The following PIK3C2G variants were observed in gnomAD, a reference collection of about 807,000 sequenced individuals.
PIK3C2G encodes the protein phosphatidylinositol-4-phosphate 3-kinase catalytic subunit type 2 gamma.
PIK3C2G carries 168 observed loss-of-function variants against 181.1 expected under a neutral mutation model. The observed-to-expected ratio is 0.93, with a 90% CI of 0.82 to 1.05. The LOEUF is 1.05. Among genes scored for constraint, PIK3C2G ranks in the 50% least tolerant of loss-of-function variants. The probability of loss-of-function intolerance (pLI) is 0.00; values close to 1 mark genes in which losing one functional copy is unlikely to be tolerated. For missense variants in PIK3C2G, 1,869 were observed against 1,732.8 expected, an observed-to-expected ratio of 1.08 and a Z score of -1.40; for synonymous variants, 573 against 592.2, an observed-to-expected ratio of 0.97 and a Z score of 0.47.
At chr12:18,527,745 A>G (rs1429757402) in intron 24 of PIK3C2G, among the ~76,000 whole-genome samples, 2 of 152,154 alleles carry the variant, frequency 1.3e-5, no homozygotes, top group Non-Finnish European at 2.9e-5. Context: ...ATTCTGATCT[A>G]CTATGAATTC....
intron 5 of PIK3C2G, among the ~76,000 whole-genome samples, chr12:18,311,231 C>G (rs954836093): frequency 1.3e-5 from 2 of 151,798 alleles, no homozygotes; most frequent in Non-Finnish European, 2.9e-5. Flanking sequence ...CGAGGACATA[C>G]ACAATGAAGC....
chr12:18,555,577 T>TAC, intron 26 of PIK3C2G, among the ~76,000 whole-genome samples: 1 of 152,258 alleles, frequency 6.6e-6, no homozygotes, highest in East Asian at 1.9e-4. Flanking sequence ...ATACAATGTA[T>TAC]ACACATTTTT....
intron 21 of PIK3C2G, among the ~76,000 whole-genome samples, chr12:18,497,176 C>A (rs563277137): frequency 7.2e-5 from 11 of 151,996 alleles, no homozygotes; most frequent in Non-Finnish European, 1.5e-4. Flanking sequence ...ATTTATACTC[C>A]CAGTCAAGAA....
Position 18,563,171 on chromosome 12 carries a change from G to A in PIK3C2G, c.3781-206G>A, listed in dbSNP as rs569653649. On this transcript the variant is annotated intron_variant, in intron 27 of 32. Coordinates refer to ENST00000538779, the MANE Select transcript of PIK3C2G (RefSeq NM_001288772.2). ...TGTCCACAAGAACAGCAAAAATTAG[G>A]CAATCTGTTCCTAGCACATACAATT... Among the ~76,000 whole-genome samples, 12 of 152,110 alleles carry A rather than the reference G, an allele frequency of 7.9e-5. No individual in the cohort carries two copies. In the South Asian group the frequency reaches 2.1e-3, roughly 26 times the overall value.
intron 18 of PIK3C2G, among the ~76,000 whole-genome samples, chr12:18,441,199 C>A (rs1170375177): frequency 6.6e-6 from 1 of 152,068 alleles, no homozygotes; most frequent in Non-Finnish European, 1.5e-5. Flanking sequence ...AAATTGAGAT[C>A]TGATTAGCAC....
At chr12:18,404,636 G>A (rs1171319343) in intron 16 of PIK3C2G, among the ~76,000 whole-genome samples, 1 of 152,170 alleles carries the variant, frequency 6.6e-6, no homozygotes, top group Non-Finnish European at 1.5e-5. Context: ...ACTAGTGTGT[G>A]CATGGTTATA....
In PIK3C2G at chr12:18,321,038, A is replaced by G. The variant is rs757767983; in HGVS notation, c.1208+6A>G. ...CATATTTGGAAAGTATCCAGGTAAG[A>G]TATTTTATATTTGTTCCAAGACTAC... On this transcript the variant is annotated splice_donor_region_variant and intron_variant, in intron 7 of 32. Transcript: ENST00000538779. The G allele has an allele frequency of 1.5e-6, 2 of 1,375,994 alleles. No individual in the cohort carries two copies. The highest frequency in any genetic ancestry group is 1.2e-5 in the South Asian group (1 of 82,366). The allele number at this position is 1,375,994 out of a possible 1,614,324, so 85.2% of individuals were successfully genotyped here. A position where few individuals can be genotyped will look rare whatever the true frequency, so the allele number is the denominator to read the frequency against.
intron 29 of PIK3C2G, among the ~76,000 whole-genome samples, chr12:18,583,845 C>T (rs1465395364): frequency 6.6e-6 from 1 of 151,782 alleles, no homozygotes; most frequent in Non-Finnish European, 1.5e-5. Context: ...ACTAGTTCTC[C>T]AACAAGGGTT....
At chr12:18,579,295 T>A (rs1946377400) in intron 29 of PIK3C2G, among the ~76,000 whole-genome samples, 1 of 152,200 alleles carries the variant, frequency 6.6e-6, no homozygotes, top group Non-Finnish European at 1.5e-5. Context: ...GTAGAAAATG[T>A]AGCTTTAACA....
intron 31 of PIK3C2G, among the ~76,000 whole-genome samples, chr12:18,630,021 T>G (rs963979459): frequency 6.6e-6 from 1 of 152,182 alleles, no homozygotes; most frequent in Non-Finnish European, 1.5e-5. Context: ...AATAACTATT[T>G]AGTATCCACC....
intron 31 of PIK3C2G, among the ~76,000 whole-genome samples, chr12:18,628,884 G>C (rs541206326): frequency 2.0e-5 from 3 of 152,258 alleles, no homozygotes; most frequent in South Asian, 2.1e-4. Context: ...TTGAGCCAGA[G>C]AGTTGGAAGC....
At chr12:18,551,372 T>C (rs982971071) in intron 26 of PIK3C2G, among the ~76,000 whole-genome samples, 1 of 152,236 alleles carries the variant, frequency 6.6e-6, no homozygotes, top group Admixed American at 6.5e-5. Context: ...TTAGCTGTCC[T>C]CATCAAGAGC....
At chr12:18,578,424 A>C (rs1051324215) in intron 29 of PIK3C2G, among the ~76,000 whole-genome samples, 3 of 152,188 alleles carry the variant, frequency 2.0e-5, no homozygotes, top group Non-Finnish European at 4.4e-5. Flanking sequence ...ATTAATAAGC[A>C]GTGTGATCTG....
At chr12:18,449,892 C>A (rs1394799243) in intron 18 of PIK3C2G, among the ~76,000 whole-genome samples, 2 of 152,174 alleles carry the variant, frequency 1.3e-5, no homozygotes, top group African/African-American at 2.4e-5. Flanking sequence ...CTAATTTACA[C>A]TCCACCAACA....
At chr12:18,380,223 T>C (rs1352791930) in intron 13 of PIK3C2G, among the ~76,000 whole-genome samples, 1 of 152,178 alleles carries the variant, frequency 6.6e-6, no homozygotes, top group African/African-American at 2.4e-5. Flanking sequence ...TTTCTCTGCC[T>C]TCTACTTCTC....
At chr12:18,331,461 T>G (rs1354596101) in intron 8 of PIK3C2G, among the ~76,000 whole-genome samples, 2 of 152,090 alleles carry the variant, frequency 1.3e-5, no homozygotes, top group Admixed American at 1.3e-4. Flanking sequence ...ATTTTCCAGT[T>G]GTTTGTTACT....
chr12:18,491,626 T>C, intron 20 of PIK3C2G, 68 bp downstream of exon 20: 3 of 848,292 alleles, frequency 3.5e-6, no homozygotes, highest in Non-Finnish European at 5.7e-6. Context: ...ATTGTATATG[T>C]TTGAAATGGC....
chr12:18,540,531 G>A (rs1422923742), intron 25 of PIK3C2G, among the ~76,000 whole-genome samples: 1 of 151,754 alleles, frequency 6.6e-6, no homozygotes, highest in Admixed American at 6.6e-5. Flanking sequence ...AAAGCATTCA[G>A]CATAAGAGTC....
rs572108338 is a variant in PIK3C2G at position 18,309,889 on chromosome 12, G to A, written c.1035-4073G>A. Among the ~76,000 whole-genome samples the A allele has an allele frequency of 4.0e-5, 6 of 151,822 alleles. No individual in the cohort carries two copies. In the South Asian group the frequency reaches 1.2e-3, roughly 31 times the overall value. ...ATTATGCCCACGCACTTTTGCTTCT[G>A]TAAGTTGAGTTGTAAACGTACCTAG... On this transcript the variant is annotated intron_variant, in intron 5 of 32. Transcript: ENST00000538779.
Sources: gnomAD v4.1 joint callset for allele counts (sites outside exome capture counted in the v4.1 genomes callset) on GRCh38, gnomAD v4.1.1 for gene constraint, MANE v1.5 for transcripts, NCBI Gene and HGNC (gene_info 2026-07-23, HGNC 2026-07-21) for gene names.